Variants in CEP55 observed in about 807,000 individuals in gnomAD.
CEP55 encodes the protein centrosomal protein 55.
Under a neutral mutation model 63.2 loss-of-function variants are expected in CEP55, and 57 were observed. The ratio of observed to expected loss-of-function variants is 0.90; its 90% confidence interval spans 0.73 to 1.13. The LOEUF (loss-of-function observed/expected upper bound fraction) is 1.13, where lower values mean the gene tolerates loss of function less well. Among genes scored for constraint, CEP55 ranks in the 50% most tolerant of loss-of-function variants. The pLI, the probability that CEP55 is intolerant of heterozygous loss-of-function variation, is 0.00. For missense variants in CEP55, 456 were observed against 518.9 expected (o/e 0.88, Z 1.18); for synonymous variants, 178 against 191.6 (o/e 0.93, Z 0.59).
intron 2 of CEP55, among the ~76,000 whole-genome samples, chr10:93,500,749 C>A (rs17108835): frequency 6.6e-5 from 10 of 151,032 alleles, no homozygotes; most frequent in Non-Finnish European, 1.3e-4. Context: ...TAGAAGCATT[C>A]GATTTTCCAT....
At chr10:93,511,453 GCA>G (rs1288090909) in intron 4 of CEP55, among the ~76,000 whole-genome samples, 2 of 152,174 alleles carry the variant, frequency 1.3e-5, no homozygotes, top group Admixed American at 6.6e-5. Flanking sequence ...GAAAGCCGAT[GCA>G]CACAGTGAGA....
At chr10:93,509,480 T>C (rs2057721093) in intron 4 of CEP55, among the ~76,000 whole-genome samples, 2 of 150,584 alleles carry the variant, frequency 1.3e-5, no homozygotes, top group African/African-American at 4.9e-5. Flanking sequence ...TTATTATTAT[T>C]ATTATTATTA....
At position 93,509,233 on chromosome 10, in the gene CEP55, A is replaced by G. The variant is rs77877887; in HGVS notation, c.528+2177A>G. ...TATGTAAGCCCAAGCTTTTTGTTCT[A>G]TCTTCTCAGCTTATTTAAGGGTCAC... On this transcript the variant is annotated intron_variant, in intron 4 of 8. Coordinates refer to ENST00000371485, the MANE Select transcript of CEP55 (RefSeq NM_018131.5). 7.7e-3 allele frequency among the ~76,000 whole-genome samples: 1,165 copies of G among 152,180 alleles called. 13 individuals carry two copies. The highest frequency in any genetic ancestry group is 0.027 in the African/African-American group (1,100 of 41,504).
chr10:93,523,006 G>A (rs920287135), intron 8 of CEP55, among the ~76,000 whole-genome samples: 1 of 152,118 alleles, frequency 6.6e-6, no homozygotes, highest in Admixed American at 6.6e-5. Context: ...AAAGACCATC[G>A]AGGCTAGGAA....
chr10:93,498,128 C>A (rs112403035), intron 1 of CEP55, among the ~76,000 whole-genome samples: 7,449 of 145,022 alleles, frequency 0.051, 247 homozygotes, highest in Non-Finnish European at 0.076. Flanking sequence ...CCGCCCCTAA[C>A]GCCCCGCCCC....
At chr10:93,506,776 G>A (rs1209361912) in intron 3 of CEP55, among the ~76,000 whole-genome samples, 3 of 152,050 alleles carry the variant, frequency 2.0e-5, no homozygotes, top group African/African-American at 7.2e-5. Context: ...TTTTCGCCAT[G>A]TTGGCCAGGC....
chr10:93,520,649 G>A (rs58987709), intron 8 of CEP55, among the ~76,000 whole-genome samples: 6,502 of 151,696 alleles, frequency 0.043, 393 homozygotes, highest in African/African-American at 0.13. Flanking sequence ...AACTTGTTGG[G>A]GGTCTGCATT....
intron 8 of CEP55, among the ~76,000 whole-genome samples, chr10:93,525,359 C>T (rs2057910904): frequency 1.3e-5 from 2 of 152,124 alleles, no homozygotes; most frequent in South Asian, 4.1e-4. Context: ...GAATAAAATA[C>T]CTAGAAATCC....
chr10:93,521,795 G>A (rs963606852), intron 8 of CEP55, among the ~76,000 whole-genome samples: 3 of 152,116 alleles, frequency 2.0e-5, no homozygotes, highest in East Asian at 1.9e-4. Flanking sequence ...ACCAATATTC[G>A]CTGTTCTGCA....
In CEP55 at chr10:93,528,738, C is replaced by A. The variant is rs1328757743; in HGVS notation, c.*585C>A. On this transcript the variant is annotated 3_prime_UTR_variant, in exon 9 of 9. Transcript: ENST00000371485. Reference sequence around the variant, plus strand: ...CTGTGTTCCCCAACTCTGTTCTGCGCACGAAACAGTATCTGTTTGAGGCAT... The same window carrying A: ...CTGTGTTCCCCAACTCTGTTCTGCGAACGAAACAGTATCTGTTTGAGGCAT... The A allele has an allele frequency of 6.6e-6, 1 of 152,620 alleles. No homozygotes were observed. The highest frequency in any genetic ancestry group is 1.5e-5 in the Non-Finnish European group (1 of 68,452). 9.5% of individuals were successfully genotyped at this position (152,620 alleles called of 1,614,324 possible). A position where few individuals can be genotyped will look rare whatever the true frequency, so the allele number is the denominator to read the frequency against.
chr10:93,523,349 T>C lies in CEP55; in HGVS notation c.1191+3542T>C, dbSNP rs192176656. ...GATCAAAACAGACAAAGAAGGACATTACATAATGGTAAAGGGATCAATTCA... is the reference window on the plus strand; with the variant it reads ...GATCAAAACAGACAAAGAAGGACATCACATAATGGTAAAGGGATCAATTCA... On this transcript the variant is annotated intron_variant, in intron 8 of 8. Transcript: ENST00000371485. Among the ~76,000 whole-genome samples, 284 of 152,186 alleles carry C rather than the reference T, an allele frequency of 1.9e-3. 5 individuals are homozygous for C. The highest frequency in any genetic ancestry group is 0.017 in the Admixed American group (262 of 15,296).
chr10:93,525,348 A>G (rs2057910775), intron 8 of CEP55, among the ~76,000 whole-genome samples: 1 of 152,220 alleles, frequency 6.6e-6, no homozygotes. Flanking sequence ...TGCTTCAAAG[A>G]GAATAAAATA....
In CEP55 at chr10:93,517,161, GA is replaced by G. The variant is rs1393566431; in HGVS notation, c.908del (p.Lys303ArgfsTer38). 11 of 1,613,864 alleles carry G rather than the reference GA, an allele frequency of 6.8e-6. No individual in the cohort carries two copies. Among genetic ancestry groups the G allele is most frequent in the Non-Finnish European group, 8.5e-6 (10 of 1,179,872 alleles). On this transcript the variant is annotated frameshift_variant, in exon 6 of 9. Transcript: ENST00000371485. LOFTEE classifies it high-confidence loss of function. ...HLEDDRHKTE[K>X]IQKLREENDI... Reference sequence around the variant, plus strand: ...TGGAAGATGATAGGCATAAAACAGAGAAGATACAAAAACTCAGGGAAGAGAA... The same window carrying G: ...TGGAAGATGATAGGCATAAAACAGAGAGATACAAAAACTCAGGGAAGAGAA...
chr10:93,519,755 T>G lies in CEP55; in HGVS notation c.1139T>G (p.Ile380Ser), dbSNP rs1171544037. 1 of 1,614,050 alleles carries G rather than the reference T, an allele frequency of 6.2e-7. No individual in the cohort carries two copies. Among genetic ancestry groups the G allele is most frequent in the African/African-American group, 1.3e-5 (1 of 74,940 alleles). ...CATGTGCAGCATCAATTGCATGTAA[T>G]TCTTAAGGAGCTCCGAAAAGCAAGA... ...RQHVQHQLHV[I>S]LKELRKARNQ... The change falls in exon 8 of 9, where the codon ATT (isoleucine) becomes AGT (serine). Residue 380 changes from isoleucine (I) to serine (S), a missense_variant. By Grantham distance (142) the Ile-to-Ser change is moderately radical. Transcript: ENST00000371485.
intron 2 of CEP55, among the ~76,000 whole-genome samples, chr10:93,501,417 G>A (rs2057633537): frequency 6.6e-6 from 1 of 152,120 alleles, no homozygotes; most frequent in Admixed American, 6.5e-5. Context: ...GGCCGGGCAC[G>A]GTGGCTCATG....
At position 93,519,732 on chromosome 10, in the gene CEP55, T is replaced by C. The variant is rs1444284449; in HGVS notation, c.1116T>C (p.His372=). 2 of 1,614,034 alleles carry C rather than the reference T, an allele frequency of 1.2e-6. No homozygotes were observed. Among genetic ancestry groups the C allele is most frequent in the African/African-American group, 2.7e-5 (2 of 74,932 alleles). The change falls in exon 8 of 9, where the codon CAT becomes CAC. Residue 372 remains histidine, a synonymous_variant. Transcript: ENST00000371485. The part of the protein sequence containing the change: ...DFENEKLDRQ[H]VQHQLHVILK... ...AAAATGAAAAACTCGACCGTCAACA[T>C]GTGCAGCATCAATTGCATGTAATTC...
At chr10:93,515,872 C>A (rs1321763490) in intron 5 of CEP55, among the ~76,000 whole-genome samples, 1 of 152,146 alleles carries the variant, frequency 6.6e-6, no homozygotes, top group Non-Finnish European at 1.5e-5. Flanking sequence ...GGCCTTGTCA[C>A]AATTCTCTTT....
chr10:93,515,535 C>T lies in CEP55; in HGVS notation c.659C>T (p.Thr220Ile), dbSNP rs373560824. Residue 220 changes from threonine (T) to isoleucine (I), a missense_variant, in exon 5 of 9, where the codon ACA (threonine) becomes ATA (isoleucine). Transcript: ENST00000371485. ...ETAAHSLPQQ[T>I]KKPESEGYLQ... ...GCTGCTCATTCACTCCCACAGCAGA[C>T]AAAAAAGCCTGAATCAGAAGGTACT... is the stretch of plus-strand genomic sequence containing the variant. 3.1e-6 allele frequency: 5 copies of T among 1,611,450 alleles called. No homozygotes were observed. The African/African-American group carries it at 4.0e-5, about 13-fold the overall frequency.
chr10:93,522,142 C>A (rs148418104), intron 8 of CEP55, among the ~76,000 whole-genome samples: 2,846 of 152,272 alleles, frequency 0.019, 52 homozygotes, highest in Non-Finnish European at 0.029. Context: ...CTTCTCTGAG[C>A]TAAAGGAGGA....
Sources: gnomAD v4.1 joint callset for allele counts (sites outside exome capture counted in the v4.1 genomes callset) on GRCh38, gnomAD v4.1.1 for gene constraint, MANE v1.5 for transcripts, NCBI Gene and HGNC (gene_info 2026-07-23, HGNC 2026-07-21) for gene names.